The following GRK5 variants were observed in gnomAD, a reference collection of about 807,000 sequenced individuals.
The protein encoded by GRK5 is g protein-coupled receptor kinase GRK5.
A neutral mutation model predicts 78.4 loss-of-function variants in GRK5; 40 were observed. The ratio of observed to expected loss-of-function variants is 0.51; its 90% CI spans 0.40 to 0.66. The LOEUF (loss-of-function observed/expected upper bound fraction) is 0.66, where lower values mean the gene tolerates loss of function less well. Among genes scored for constraint, GRK5 ranks in the 30% least tolerant of loss-of-function variants. The pLI, the probability that GRK5 is intolerant of heterozygous loss-of-function variation, is 0.00. For synonymous variants in GRK5, 289 were observed against 296.8 expected (o/e 0.97, Z 0.27); for missense variants, 598 against 759.9 (o/e 0.79, Z 2.50).
chr10:119,454,391 C>T (rs1156259206), intron 15 of GRK5, among the ~76,000 whole-genome samples: 1 of 152,166 alleles, frequency 6.6e-6, no homozygotes, highest in African/African-American at 2.4e-5. Context: ...CCACGGGTGG[C>T]GGCCCACATA....
In GRK5 at chr10:119,320,611, A is replaced by T. The variant is rs140610942; in HGVS notation, c.53-5905A>T. ...CCTCCAGGAAGGTAGAATTCAGGCTAAGACTGGAAGTGTGGGTGAGAAACA... is the reference window on the plus strand; with the variant it reads ...CCTCCAGGAAGGTAGAATTCAGGCTTAGACTGGAAGTGTGGGTGAGAAACA... On this transcript the variant is annotated intron_variant, in intron 1 of 15. Coordinates refer to ENST00000392870, the MANE Select transcript of GRK5 (RefSeq NM_005308.3). Among the ~76,000 whole-genome samples, 14 of 152,352 alleles carry T rather than the reference A, an allele frequency of 9.2e-5. No homozygotes were observed. In the East Asian group the frequency reaches 1.7e-3, roughly 19 times the overall value.
intron 1 of GRK5, among the ~76,000 whole-genome samples, chr10:119,274,014 C>T (rs773999151): frequency 5.9e-5 from 9 of 152,136 alleles, no homozygotes; most frequent in Non-Finnish European, 1.0e-4. Flanking sequence ...CTTCAGTGCT[C>T]GGATTATAGG....
At chr10:119,355,170 C>A (rs1160555521) in intron 2 of GRK5, among the ~76,000 whole-genome samples, 1 of 152,196 alleles carries the variant, frequency 6.6e-6, no homozygotes, top group Non-Finnish European at 1.5e-5. Context: ...ACACAACAAT[C>A]CATTTCCTGT....
chr10:119,403,367 G>A (rs1009100627), intron 4 of GRK5, among the ~76,000 whole-genome samples: 2 of 151,960 alleles, frequency 1.3e-5, no homozygotes, highest in East Asian at 1.9e-4. Context: ...GGGTTTCACC[G>A]TGTTAGCCAG....
At chr10:119,268,394 C>A (rs1849535046) in intron 1 of GRK5, among the ~76,000 whole-genome samples, 1 of 152,180 alleles carries the variant, frequency 6.6e-6, no homozygotes, top group African/African-American at 2.4e-5. Flanking sequence ...CTGGGCAGCC[C>A]CGTTGGTTTC....
chr10:119,354,513 C>T (rs1057006874), intron 2 of GRK5, among the ~76,000 whole-genome samples: 2 of 151,752 alleles, frequency 1.3e-5, no homozygotes, highest in Non-Finnish European at 2.9e-5. Flanking sequence ...TTGACCCTCC[C>T]ACCTCAGCCT....
intron 1 of GRK5, among the ~76,000 whole-genome samples, chr10:119,311,651 T>C (rs1306607013): frequency 1.3e-5 from 2 of 151,888 alleles, no homozygotes; most frequent in African/African-American, 4.8e-5. Context: ...CTGGGCGTGG[T>C]GGTGCACACC....
chr10:119,331,706 C>T (rs1483255264), intron 2 of GRK5, among the ~76,000 whole-genome samples: 3 of 152,210 alleles, frequency 2.0e-5, no homozygotes, highest in East Asian at 3.9e-4. Flanking sequence ...TGGCCCCGAA[C>T]GGTGGTCTGT....
intron 12 of GRK5, among the ~76,000 whole-genome samples, chr10:119,447,660 C>T (rs1853182442): frequency 1.3e-5 from 2 of 152,176 alleles, no homozygotes; most frequent in African/African-American, 4.8e-5. Context: ...GCATGATTAG[C>T]CCCCCATGAG....
intron 1 of GRK5, among the ~76,000 whole-genome samples, chr10:119,223,369 T>C (rs959860313): frequency 2.6e-5 from 4 of 152,312 alleles, no homozygotes; most frequent in South Asian, 2.1e-4. Context: ...TAATCTTCTT[T>C]GGAGGACGCA....
chr10:119,430,532 T>G lies in GRK5; in HGVS notation c.597+94T>G. On this transcript the variant is annotated intron_variant, in intron 7 of 15. Transcript: ENST00000392870. This position sits in a 1 kb window ranked among gnomAD's most constrained non-coding sequence, Gnocchi z 4.5. ...TCAACCTAAAGGGTTGGCCCACGGGTCCCCCGGGGGCACCAGTGGCTCAAT... is the reference window on the plus strand; with the variant it reads ...TCAACCTAAAGGGTTGGCCCACGGGGCCCCCGGGGGCACCAGTGGCTCAAT... The G allele has an allele frequency of 2.7e-6, 3 of 1,128,762 alleles. No homozygotes were observed. Among genetic ancestry groups the G allele is most frequent in the Admixed American group, 2.2e-5 (1 of 45,172 alleles). The allele number at this position is 1,128,762 out of a possible 1,614,324, so 69.9% of individuals were successfully genotyped here.
intron 2 of GRK5, among the ~76,000 whole-genome samples, chr10:119,348,412 T>C (rs1851135497): frequency 1.3e-5 from 2 of 152,162 alleles, no homozygotes; most frequent in Non-Finnish European, 2.9e-5. Context: ...AATAAGTCAG[T>C]GCGTTAGAAA....
At chr10:119,372,621 G>A (rs558621145) in intron 2 of GRK5, among the ~76,000 whole-genome samples, 68 of 152,242 alleles carry the variant, frequency 4.5e-4, no homozygotes, top group African/African-American at 1.4e-3. Context: ...TTCAGGTATG[G>A]CTGGATCCAG....
intron 1 of GRK5, among the ~76,000 whole-genome samples, chr10:119,307,246 G>A (rs1417599751): frequency 6.6e-6 from 1 of 152,080 alleles, no homozygotes; most frequent in Admixed American, 6.5e-5. Context: ...AACCCAGGCA[G>A]TCTGGCCCTG....
At chr10:119,438,816 G>A (rs538244481) in intron 9 of GRK5, among the ~76,000 whole-genome samples, 127 of 152,344 alleles carry the variant, frequency 8.3e-4, no homozygotes, top group African/African-American at 2.8e-3. Context: ...TCAAAAGAAT[G>A]CCATTTAAAT....
chr10:119,370,064 C>T (rs1416208429), intron 2 of GRK5, among the ~76,000 whole-genome samples: 1 of 152,218 alleles, frequency 6.6e-6, no homozygotes, highest in Non-Finnish European at 1.5e-5. Flanking sequence ...CTGTCCATCT[C>T]AGCCCCCAGC....
chr10:119,309,282 G>A (rs956751099), intron 1 of GRK5, among the ~76,000 whole-genome samples: 2 of 152,212 alleles, frequency 1.3e-5, no homozygotes, highest in African/African-American at 4.8e-5. Flanking sequence ...GAGCCTGTGA[G>A]CTCTTGTAGG....
chr10:119,310,143 TC>T (rs1310423558), intron 1 of GRK5, among the ~76,000 whole-genome samples: 2 of 152,210 alleles, frequency 1.3e-5, no homozygotes, highest in Non-Finnish European at 2.9e-5. Flanking sequence ...TTGTTTAGCT[TC>T]TTTGAAATAG....
chr10:119,301,177 A>G (rs1589730915), intron 1 of GRK5, among the ~76,000 whole-genome samples: 1 of 151,932 alleles, frequency 6.6e-6, no homozygotes, highest in Non-Finnish European at 1.5e-5. Flanking sequence ...TGAAGTGCAT[A>G]CCCTGTGGAA....
Sources: gnomAD v4.1 joint callset for allele counts (sites outside exome capture counted in the v4.1 genomes callset) on GRCh38, gnomAD v4.1.1 for gene constraint, Gnocchi (gnomAD v3.1) non-coding constraint, MANE v1.5 for transcripts, NCBI Gene and HGNC (gene_info 2026-07-23, HGNC 2026-07-21) for gene names.